Variants in HDAC9 observed in about 807,000 individuals in gnomAD.
HDAC9 encodes the protein MEF-2 interacting transcription repressor (MITR) protein.
Under a neutral mutation model 139.4 loss-of-function variants are expected in HDAC9, and 41 were observed. The ratio of observed to expected loss-of-function variants is 0.29; its 90% CI spans 0.23 to 0.38. The LOEUF is 0.38. Ranked by LOEUF, HDAC9 falls within the 10% of genes least tolerant of loss-of-function variation. HDAC9 has a pLI of 1.00. For missense variants in HDAC9, 1,147 were observed against 1,297.0 expected (o/e 0.88, Z 1.78); for synonymous variants, 517 against 476.2 (o/e 1.09, Z -1.12).
intron 7 of HDAC9, among the ~76,000 whole-genome samples, chr7:18,632,376 G>A (rs1457451490): frequency 6.6e-6 from 1 of 152,014 alleles, no homozygotes; most frequent in Admixed American, 6.6e-5. Context: ...CTGCATTTCT[G>A]AGTAGAGATT....
chr7:18,449,345 T>C (rs1173771772), intron 1 of HDAC9, among the ~76,000 whole-genome samples: 1 of 152,142 alleles, frequency 6.6e-6, no homozygotes, highest in Non-Finnish European at 1.5e-5. Context: ...ACAAATATAA[T>C]ACTGAAAGAA....
intron 2 of HDAC9, among the ~76,000 whole-genome samples, chr7:18,504,943 T>C (rs992406035): frequency 6.6e-6 from 1 of 152,234 alleles, no homozygotes; most frequent in Non-Finnish European, 1.5e-5. Flanking sequence ...TGGACACATT[T>C]ATATATGTAT....
At chr7:18,786,194 C>CG (rs1442524133) in intron 16 of HDAC9, among the ~76,000 whole-genome samples, 1 of 152,068 alleles carries the variant, frequency 6.6e-6, no homozygotes, top group Non-Finnish European at 1.5e-5. Context: ...CTTTTTATCC[C>CG]TTATTCTGGA....
chr7:18,892,249 C>A (rs1444449240), intron 22 of HDAC9: 1 of 152,152 alleles, frequency 6.6e-6, no homozygotes, highest in Non-Finnish European at 1.5e-5. Context: ...GTTTAAAATT[C>A]TCTATCTAGA....
chr7:18,336,680 A>T (rs890208629), intron 1 of HDAC9, among the ~76,000 whole-genome samples: 1 of 151,630 alleles, frequency 6.6e-6, no homozygotes, highest in Non-Finnish European at 1.5e-5. Flanking sequence ...ATACTTCATT[A>T]TGCTAATTTC....
chr7:18,415,728 A>G (rs1788989112), intron 1 of HDAC9, among the ~76,000 whole-genome samples: 1 of 152,214 alleles, frequency 6.6e-6, no homozygotes, highest in South Asian at 2.1e-4. Flanking sequence ...TGTTCACTTA[A>G]AATTTTGCAA....
At chr7:18,845,027 C>T (rs964611971) in intron 21 of HDAC9, among the ~76,000 whole-genome samples, 1 of 152,036 alleles carries the variant, frequency 6.6e-6, no homozygotes, top group Non-Finnish European at 1.5e-5. Context: ...TAAAATCTGA[C>T]GTGTCATATT....
chr7:18,592,774 A>G (rs978854829), intron 5 of HDAC9, among the ~76,000 whole-genome samples: 10 of 152,164 alleles, frequency 6.6e-5, no homozygotes, highest in African/African-American at 2.4e-4. Context: ...TCTCTGAAAA[A>G]CAATTTCAAA....
chr7:18,552,743 A>G (rs1376551848), intron 2 of HDAC9, among the ~76,000 whole-genome samples: 1 of 152,166 alleles, frequency 6.6e-6, no homozygotes, highest in Non-Finnish European at 1.5e-5. Flanking sequence ...TTACCAACAC[A>G]GATATTTACT....
intron 1 of HDAC9, among the ~76,000 whole-genome samples, chr7:18,092,772 G>GA (rs899505340): frequency 2.6e-5 from 4 of 152,202 alleles, no homozygotes; most frequent in Non-Finnish European, 5.9e-5. Flanking sequence ...TCTTGGAAGA[G>GA]AAAACTCTTC....
intron 23 of HDAC9, among the ~76,000 whole-genome samples, chr7:18,953,711 G>A (rs749708502): frequency 3.9e-5 from 6 of 152,084 alleles, no homozygotes; most frequent in Non-Finnish European, 8.8e-5. Context: ...AATGTATAAG[G>A]TGGTTGGATG....
chr7:18,153,927 G>A (rs1296733960), intron 1 of HDAC9, among the ~76,000 whole-genome samples: 1 of 152,146 alleles, frequency 6.6e-6, no homozygotes, highest in Non-Finnish European at 1.5e-5. Context: ...ATGTGTCTTG[G>A]CTGGCTTAAA....
At chr7:18,201,920 A>T (rs1791158793) in intron 2 of HDAC9, among the ~76,000 whole-genome samples, 1 of 152,200 alleles carries the variant, frequency 6.6e-6, no homozygotes, top group Non-Finnish European at 1.5e-5. Context: ...CGGTAATGAG[A>T]GATGGCACCA....
rs538793743 is a variant in HDAC9 at position 18,806,683 on chromosome 7, C to T, written c.2322+13231C>T. Among the ~76,000 whole-genome samples, 11 of 152,210 alleles carry T rather than the reference C, an allele frequency of 7.2e-5. No individual in the cohort carries two copies. The South Asian group carries it at 1.2e-3, about 17-fold the overall frequency. ...TACCTAATTTGTTGGGAATTTTATT[C>T]AGGAAAGGATGCTGAATTTTGTCAA... On this transcript the variant is annotated intron_variant, in intron 17 of 25. Coordinates refer to ENST00000686413, the MANE Select transcript of HDAC9 (RefSeq NM_178425.4).
chr7:18,524,263 G>T (rs1806060035), intron 2 of HDAC9, among the ~76,000 whole-genome samples: 1 of 152,086 alleles, frequency 6.6e-6, no homozygotes, highest in East Asian at 1.9e-4. Context: ...TAACAACTTT[G>T]TATATTAATA....
At position 18,999,066 on chromosome 7, in the gene HDAC9, T is replaced by C. The variant is rs750080622; in HGVS notation, c.*3004T>C. The C allele has an allele frequency of 1.3e-5, 2 of 152,222 alleles. No homozygotes were observed. The highest frequency in any genetic ancestry group is 2.9e-5 in the Non-Finnish European group (2 of 68,042). 9.4% of individuals were successfully genotyped at this position (152,222 alleles called of 1,614,324 possible). A position where few individuals can be genotyped will look rare whatever the true frequency, so the allele number is the denominator to read the frequency against. ...TTGTGAGATGAACTATCTTTAAATA[T>C]TGTAACAAGTTTATAACATCAATAG... is the stretch of plus-strand genomic sequence containing the variant. On this transcript the variant is annotated 3_prime_UTR_variant, in exon 26 of 26. Coordinates refer to ENST00000686413, the MANE Select transcript of HDAC9 (RefSeq NM_178425.4).
chr7:18,300,927 A>G (rs1585068357), intron 1 of HDAC9, among the ~76,000 whole-genome samples: 1 of 152,196 alleles, frequency 6.6e-6, no homozygotes, highest in Non-Finnish European at 1.5e-5. Context: ...ACAGTATAAT[A>G]AGGGAGAGCT....
intron 13 of HDAC9, among the ~76,000 whole-genome samples, chr7:18,741,091 C>A (rs545662957): frequency 6.6e-6 from 1 of 152,148 alleles, no homozygotes; most frequent in Non-Finnish European, 1.5e-5. Flanking sequence ...GGTAAAGCAG[C>A]AAGTGTTGAT....
At chr7:18,323,975 G>C (rs923204628) in intron 1 of HDAC9, among the ~76,000 whole-genome samples, 1 of 151,458 alleles carries the variant, frequency 6.6e-6, no homozygotes, top group African/African-American at 2.4e-5. Context: ...TGACTGAAGG[G>C]GTGAGGGAGT....
Sources: gnomAD v4.1 joint callset for allele counts (sites outside exome capture counted in the v4.1 genomes callset) on GRCh38, gnomAD v4.1.1 for gene constraint, MANE v1.5 for transcripts, NCBI Gene and HGNC (gene_info 2026-07-23, HGNC 2026-07-21) for gene names.